Variants in NOVA1 observed in about 807,000 individuals in gnomAD.
The protein encoded by NOVA1 is NOVA alternative splicing regulator 1.
In NOVA1, 7 loss-of-function variants were observed where a neutral mutation model predicts 38.0. The observed-to-expected ratio is 0.18, with a 90% CI of 0.10 to 0.35. The LOEUF is 0.35. Among genes scored for constraint, NOVA1 ranks in the 10% least tolerant of loss-of-function variants. The pLI is 1.00. For missense variants in NOVA1, 460 were observed against 616.0 expected, an observed-to-expected ratio of 0.75 and a Z score of 2.68; for synonymous variants, 270 against 232.5, an observed-to-expected ratio of 1.16 and a Z score of -1.47.
At chr14:26,466,442 A>C (rs1675760451) in intron 4 of NOVA1, among the ~76,000 whole-genome samples, 1 of 152,118 alleles carries the variant, frequency 6.6e-6, no homozygotes, top group Admixed American at 6.5e-5. Context: ...GGGGAACTGG[A>C]CATAGTCTGG....
At chr14:26,536,073 T>C (rs1390775182) in intron 2 of NOVA1, among the ~76,000 whole-genome samples, 1 of 151,832 alleles carries the variant, frequency 6.6e-6, no homozygotes, top group Non-Finnish European at 1.5e-5. Context: ...TGGCTGGAAC[T>C]GGAGATGATT....
At chr14:26,540,570 G>A (rs531042710) in intron 2 of NOVA1, among the ~76,000 whole-genome samples, 23 of 152,184 alleles carry the variant, frequency 1.5e-4, no homozygotes, top group Non-Finnish European at 3.4e-4. Flanking sequence ...AAACCAGCAT[G>A]TACTAGCATA....
At chr14:26,571,334 T>G (rs1469608182) in intron 2 of NOVA1, among the ~76,000 whole-genome samples, 1 of 152,110 alleles carries the variant, frequency 6.6e-6, no homozygotes, top group Non-Finnish European at 1.5e-5. Context: ...AAGAGCATGA[T>G]TCCTATATAC....
At chr14:26,529,870 T>C (rs566598810) in intron 2 of NOVA1, among the ~76,000 whole-genome samples, 2 of 152,364 alleles carry the variant, frequency 1.3e-5, no homozygotes, top group South Asian at 4.1e-4. Flanking sequence ...CCTGGAGATG[T>C]GATACTTTTA....
chr14:26,464,622 T>C (rs912220676), intron 4 of NOVA1, among the ~76,000 whole-genome samples: 12 of 152,220 alleles, frequency 7.9e-5, no homozygotes, highest in South Asian at 6.2e-4. Flanking sequence ...CTGATCTCAA[T>C]ATTACTAGTT....
At chr14:26,482,687 T>C (rs1348160561) in intron 2 of NOVA1, among the ~76,000 whole-genome samples, 1 of 152,096 alleles carries the variant, frequency 6.6e-6, no homozygotes, top group African/African-American at 2.4e-5. Flanking sequence ...TAGAGGTATA[T>C]AAGATACCAT....
At chr14:26,579,661 T>C (rs1165456096) in intron 2 of NOVA1, among the ~76,000 whole-genome samples, 2 of 151,984 alleles carry the variant, frequency 1.3e-5, no homozygotes, top group South Asian at 2.1e-4. Flanking sequence ...AAACAAATCA[T>C]AAAAAACAAT....
intron 2 of NOVA1, 55 bp from the exon 3 acceptor site, chr14:26,480,198 T>C: frequency 6.7e-7 from 1 of 1,500,474 alleles, no homozygotes; most frequent in East Asian, 2.3e-5. Context: ...ATTAAAAAAA[T>C]TATGAAAAAG....
intron 2 of NOVA1, among the ~76,000 whole-genome samples, chr14:26,482,005 A>AC (rs1438869174): frequency 4.1e-5 from 6 of 146,652 alleles, no homozygotes; most frequent in African/African-American, 1.2e-4. Flanking sequence ...AAAAAAAAAA[A>AC]AAAAAAAAAC....
chr14:26,590,990 A>G (rs1450931317), intron 2 of NOVA1, among the ~76,000 whole-genome samples: 3 of 151,808 alleles, frequency 2.0e-5, no homozygotes, highest in Admixed American at 6.6e-5. Context: ...TAAAATTTTT[A>G]GTGCTAATTC....
At chr14:26,543,936 T>G (rs542046860) in intron 2 of NOVA1, among the ~76,000 whole-genome samples, 2 of 151,146 alleles carry the variant, frequency 1.3e-5, no homozygotes, top group Non-Finnish European at 3.0e-5. Context: ...AGGCAGCTTA[T>G]AGATTGATTG....
At chr14:26,496,698 A>G (rs1886822525) in intron 2 of NOVA1, among the ~76,000 whole-genome samples, 1 of 152,198 alleles carries the variant, frequency 6.6e-6, no homozygotes, top group African/African-American at 2.4e-5. Flanking sequence ...ATCCAGTTTC[A>G]GCTTTCTACA....
intron 2 of NOVA1, among the ~76,000 whole-genome samples, chr14:26,514,081 G>A (rs1248586981): frequency 6.6e-6 from 1 of 151,568 alleles, no homozygotes; most frequent in African/African-American, 2.4e-5. Flanking sequence ...TTTTTAAAGT[G>A]CAAGAAAATT....
intron 2 of NOVA1, among the ~76,000 whole-genome samples, chr14:26,559,928 A>T (rs1452794881): frequency 2.0e-5 from 3 of 152,108 alleles, no homozygotes; most frequent in Non-Finnish European, 2.9e-5. Context: ...AATTACACTG[A>T]TATGATCTTT....
At chr14:26,452,446 A>G (rs1882781125) in intron 4 of NOVA1, among the ~76,000 whole-genome samples, 1 of 152,208 alleles carries the variant, frequency 6.6e-6, no homozygotes, top group African/African-American at 2.4e-5. Context: ...GAAAAAACAG[A>G]GGAGAAGCAA....
intron 2 of NOVA1, among the ~76,000 whole-genome samples, chr14:26,523,729 T>G (rs1224975209): frequency 6.6e-6 from 1 of 152,026 alleles, no homozygotes; most frequent in South Asian, 2.1e-4. Context: ...TTTTCTTTTT[T>G]TTCCCTATCC....
intron 2 of NOVA1, among the ~76,000 whole-genome samples, chr14:26,540,402 GTC>G (rs763535497): frequency 2.6e-5 from 4 of 152,110 alleles, no homozygotes; most frequent in Non-Finnish European, 5.9e-5. Flanking sequence ...GGGAAAAATC[GTC>G]TTCCACAAAA....
At position 26,456,135 on chromosome 14, in the gene NOVA1, T is replaced by G. The variant is rs2138586890; in HGVS notation, c.520-7172A>C. Among the ~76,000 whole-genome samples, 3 of 152,162 alleles carry G rather than the reference T, an allele frequency of 2.0e-5. No individual in the cohort carries two copies. In the East Asian group the frequency reaches 5.8e-4, roughly 29 times the overall value. On this transcript the variant is annotated intron_variant, in intron 4 of 4. Transcript: ENST00000539517. ...ATTAGCAAAAAATGTATTCAACATA[T>G]TTGAATATTTGAAATGAAAACTAAT... is the stretch of plus-strand genomic sequence containing the variant.
At chr14:26,525,308 T>C (rs1236396281) in intron 2 of NOVA1, among the ~76,000 whole-genome samples, 1 of 152,174 alleles carries the variant, frequency 6.6e-6, no homozygotes, top group African/African-American at 2.4e-5. Flanking sequence ...TTATCTATAA[T>C]CAACAAATTA....
Sources: allele counts gnomAD v4.1 joint callset (sites outside exome capture counted in the v4.1 genomes callset), GRCh38; gene constraint gnomAD v4.1.1; transcripts MANE v1.5; gene names NCBI Gene and HGNC (gene_info 2026-07-23, HGNC 2026-07-21).